GLIS3: variants seen among roughly 807,000 people sequenced by gnomAD.
GLIS3 encodes GLIS family zinc finger 3.
Under a neutral mutation model 78.6 loss-of-function variants are expected in GLIS3, and 53 were observed. The ratio of observed to expected loss-of-function variants is 0.67; its 90% confidence interval spans 0.54 to 0.85. The LOEUF (loss-of-function observed/expected upper bound fraction) is 0.85, where lower values mean the gene tolerates loss of function less well. Among genes scored for constraint, GLIS3 ranks in the 40% least tolerant of loss-of-function variants. The pLI, the probability that GLIS3 is intolerant of heterozygous loss-of-function variation, is 0.00. For synonymous variants in GLIS3, 684 were observed against 509.9 expected, an observed-to-expected ratio of 1.34 and a Z score of -4.60; for missense variants, 1,703 against 1,231.1, an observed-to-expected ratio of 1.38 and a Z score of -5.74.
intron 2 of GLIS3, among the ~76,000 whole-genome samples, chr9:4,279,168 A>G (rs1827296970): frequency 6.6e-6 from 1 of 151,546 alleles, no homozygotes; most frequent in African/African-American, 2.4e-5. Flanking sequence ...GCGTGGTGGC[A>G]GGCACCTGTA....
intron 2 of GLIS3, among the ~76,000 whole-genome samples, chr9:4,144,442 G>A (rs922615786): frequency 3.3e-5 from 5 of 152,142 alleles, no homozygotes; most frequent in African/African-American, 7.2e-5. Context: ...CAGGTTTCTC[G>A]TTTCTGTGTC....
In GLIS3 at chr9:4,050,475, G is replaced by A. The variant is rs140769098; in HGVS notation, c.1710+67293C>T. Among the ~76,000 whole-genome samples the A allele has an allele frequency of 6.2e-3, 949 of 152,196 alleles. 12 individuals carry two copies. Among genetic ancestry groups the A allele is most frequent in the Admixed American group, 0.013 (194 of 15,282 alleles). On this transcript the variant is annotated intron_variant, in intron 4 of 10. Coordinates refer to ENST00000381971, the MANE Select transcript of GLIS3 (RefSeq NM_001042413.2). ...GGTGGGGGTCTGGGGGAGGGATAGC[G>A]TTAGGTGAAATACCTAATGTACATG...
At chr9:3,947,384 A>G (rs1025242046) in intron 4 of GLIS3, among the ~76,000 whole-genome samples, 1 of 152,254 alleles carries the variant, frequency 6.6e-6, no homozygotes, top group Non-Finnish European at 1.5e-5. Flanking sequence ...ATGTATGCTA[A>G]CATACATACA....
At chr9:4,092,277 G>A (rs113035055) in intron 4 of GLIS3, among the ~76,000 whole-genome samples, 37,459 of 150,938 alleles carry the variant, frequency 0.25, 5,503 homozygotes, top group South Asian at 0.47. Flanking sequence ...TCAGCCTCCC[G>A]AGTAGCTGGG....
chr9:4,319,514 G>C (rs186918622), intron 2 of GLIS3, among the ~76,000 whole-genome samples: 28 of 150,056 alleles, frequency 1.9e-4, no homozygotes, highest in African/African-American at 6.2e-4. Flanking sequence ...ATGTGTTTTG[G>C]TAAAATCCAA....
At chr9:4,013,906 T>A (rs1463734340) in intron 4 of GLIS3, among the ~76,000 whole-genome samples, 1 of 152,198 alleles carries the variant, frequency 6.6e-6, no homozygotes. Context: ...AGGCCCTTCA[T>A]GTACAGTTGG....
the GLIS3 span, among the ~76,000 whole-genome samples, chr9:4,489,740 A>G: frequency 2.6e-5 from 4 of 152,198 alleles, no homozygotes; most frequent in South Asian, 4.1e-4. Flanking sequence ...CACTGCCCCA[A>G]GCCTCCATGC....
chr9:4,456,415 G>A, the GLIS3 span, among the ~76,000 whole-genome samples: 1 of 152,178 alleles, frequency 6.6e-6, no homozygotes, highest in African/African-American at 2.4e-5. Context: ...TCTAGCATGT[G>A]ATGTTATTTG....
At chr9:3,860,800 C>A (rs7023178) in intron 8 of GLIS3, among the ~76,000 whole-genome samples, 38,349 of 152,120 alleles carry the variant, frequency 0.25, 4,969 homozygotes, top group Middle Eastern at 0.37. Context: ...GACATTTATT[C>A]ATTCAAGGGG....
At chr9:4,225,513 T>C (rs933258817) in intron 2 of GLIS3, among the ~76,000 whole-genome samples, 1 of 152,208 alleles carries the variant, frequency 6.6e-6, no homozygotes, top group African/African-American at 2.4e-5. Flanking sequence ...AATGCTTTAA[T>C]GTGGTCTGCT....
At chr9:4,409,284 T>C in the GLIS3 span, among the ~76,000 whole-genome samples, 2 of 152,234 alleles carry the variant, frequency 1.3e-5, no homozygotes, top group Non-Finnish European at 2.9e-5. Flanking sequence ...TCCTTTAAAT[T>C]ATTTCAGGTT....
intron 2 of GLIS3, among the ~76,000 whole-genome samples, chr9:4,205,544 A>T (rs893681079): frequency 1.3e-5 from 2 of 152,196 alleles, no homozygotes; most frequent in African/African-American, 4.8e-5. Flanking sequence ...GCCTAGTGCT[A>T]TAAGAGAGGA....
In GLIS3 at chr9:4,209,332, T is replaced by C. The variant is rs533854634; in HGVS notation, c.388+76706A>G. On this transcript the variant is annotated intron_variant, in intron 2 of 10. Coordinates refer to ENST00000381971, the MANE Select transcript of GLIS3 (RefSeq NM_001042413.2). ...CTCCTTTCTGGGACATTTTGATGCA[T>C]AGGGTATCTGGGTTTCTCATAATGT... 3.3e-5 allele frequency among the ~76,000 whole-genome samples: 5 copies of C among 152,314 alleles called. No homozygotes were observed. The South Asian group carries it at 6.2e-4, about 19-fold the overall frequency.
chr9:3,824,171 C>T lies in GLIS3; in HGVS notation c.*4101G>A, dbSNP rs1052846756. ...AATTAAATCTGATGAAATAAAACTT[C>T]ATGTTTTATTTATGGACACTCCCAA... On this transcript the variant is annotated 3_prime_UTR_variant, in exon 11 of 11. Coordinates refer to ENST00000381971, the MANE Select transcript of GLIS3 (RefSeq NM_001042413.2). The T allele has an allele frequency of 2.6e-5, 4 of 152,636 alleles. No homozygotes were observed. Among genetic ancestry groups the T allele is most frequent in the African/African-American group, 9.6e-5 (4 of 41,544 alleles). 9.5% of individuals were successfully genotyped at this position (152,636 alleles called of 1,614,324 possible).
At chr9:4,063,900 A>C (rs1826861798) in intron 4 of GLIS3, among the ~76,000 whole-genome samples, 1 of 152,176 alleles carries the variant, frequency 6.6e-6, no homozygotes, top group Admixed American at 6.5e-5. Flanking sequence ...TCAATAATAC[A>C]CCTACTGAAA....
chr9:3,926,194 A>C lies in GLIS3; in HGVS notation c.1983+6166T>G, dbSNP rs554892802. Among the ~76,000 whole-genome samples, 52 of 151,796 alleles carry C rather than the reference A, an allele frequency of 3.4e-4. No individual in the cohort carries two copies. The South Asian group carries it at 0.011, about 31-fold the overall frequency. ...TTCTTTTTTTAAAAGCTCATACAGG[A>C]AGGTACAGTATTGCGACTAAAGCAA... On this transcript the variant is annotated intron_variant, in intron 6 of 10. Transcript: ENST00000381971.
the GLIS3 span, among the ~76,000 whole-genome samples, chr9:4,395,651 G>C: frequency 1.3e-5 from 2 of 152,126 alleles, no homozygotes; most frequent in Admixed American, 1.3e-4. Flanking sequence ...CCTTTGCCAA[G>C]TGCTCTTTGT....
chr9:4,461,754 A>G, the GLIS3 span, among the ~76,000 whole-genome samples: 139 of 152,314 alleles, frequency 9.1e-4, 1 homozygote, highest in Admixed American at 2.9e-3. Flanking sequence ...ATCAGCAGCC[A>G]TGTCCCAACT....
chr9:3,944,707 T>C (rs957939573), intron 4 of GLIS3, among the ~76,000 whole-genome samples: 1 of 152,240 alleles, frequency 6.6e-6, no homozygotes, highest in Non-Finnish European at 1.5e-5. Flanking sequence ...AAATATGTTT[T>C]ATGGCTATGT....
Sources: gnomAD v4.1 joint callset for allele counts (sites outside exome capture counted in the v4.1 genomes callset) on GRCh38, gnomAD v4.1.1 for gene constraint, MANE v1.5 for transcripts, NCBI Gene and HGNC (gene_info 2026-07-23, HGNC 2026-07-21) for gene names.